Variants in NEGR1 observed in about 807,000 individuals in gnomAD.
NEGR1 encodes the protein IgLON family member 4.
NEGR1 carries 10 observed loss-of-function variants against 40.9 expected under a neutral mutation model. That is an observed-to-expected ratio of 0.24 (90% CI 0.15 to 0.42). The LOEUF is 0.42. NEGR1 is among the 10% of genes least tolerant of loss of function. The probability of loss-of-function intolerance (pLI) is 1.00; values close to 1 mark genes in which losing one functional copy is unlikely to be tolerated. For synonymous variants in NEGR1, 185 were observed against 166.8 expected (o/e 1.11, Z -0.84); for missense variants, 352 against 438.9 (o/e 0.80, Z 1.77).
intron 1 of NEGR1, among the ~76,000 whole-genome samples, chr1:72,112,532 C>A (rs776345892): frequency 1.3e-5 from 2 of 151,542 alleles, no homozygotes; most frequent in South Asian, 4.1e-4. Flanking sequence ...TATTATGATA[C>A]ATTTGTGATT....
At chr1:72,111,373 G>A (rs10789333) in intron 1 of NEGR1, among the ~76,000 whole-genome samples, 9,690 of 151,464 alleles carry the variant, frequency 0.064, 552 homozygotes, top group East Asian at 0.33. Context: ...CTCATTCTGG[G>A]TTTAGAAAAA....
At chr1:71,466,443 ATAGTTT>A (rs1184456468) in intron 6 of NEGR1, among the ~76,000 whole-genome samples, 1 of 152,082 alleles carries the variant, frequency 6.6e-6, no homozygotes, top group African/African-American at 2.4e-5. Flanking sequence ...GTGGGAGCAG[ATAGTTT>A]ATAAACCACG....
chr1:72,026,671 A>T (rs1434106827), intron 1 of NEGR1, among the ~76,000 whole-genome samples: 1 of 152,104 alleles, frequency 6.6e-6, no homozygotes, highest in Admixed American at 6.6e-5. Flanking sequence ...CACCAACTGC[A>T]TAACTACAAA....
intron 6 of NEGR1, among the ~76,000 whole-genome samples, chr1:71,522,939 T>G (rs973269825): frequency 1.4e-4 from 22 of 151,946 alleles, no homozygotes; most frequent in African/African-American, 5.1e-4. Context: ...ATCAGAGGCA[T>G]AAAGTCCTCT....
At chr1:72,000,868 G>C (rs553219788) in intron 1 of NEGR1, among the ~76,000 whole-genome samples, 1 of 152,016 alleles carries the variant, frequency 6.6e-6, no homozygotes, top group Non-Finnish European at 1.5e-5. Flanking sequence ...AGTTCGGGTG[G>C]GTCCTTGGAT....
chr1:72,157,111 T>C (rs1055586636), intron 1 of NEGR1, among the ~76,000 whole-genome samples: 3 of 152,050 alleles, frequency 2.0e-5, no homozygotes, highest in African/African-American at 7.2e-5. Flanking sequence ...TATAGGCATA[T>C]GCCACCTTGT....
intron 6 of NEGR1, among the ~76,000 whole-genome samples, chr1:71,446,384 GA>G (rs1292592794): frequency 6.6e-6 from 1 of 152,162 alleles, no homozygotes; most frequent in Non-Finnish European, 1.5e-5. Flanking sequence ...TAAATGTCAT[GA>G]AATAGTGAAT....
In NEGR1 at chr1:71,563,182, G is replaced by T. The variant is rs574699086; in HGVS notation, c.940+29635C>A. On this transcript the variant is annotated intron_variant, in intron 6 of 6. Coordinates refer to ENST00000357731, the MANE Select transcript of NEGR1 (RefSeq NM_173808.3). The stretch of plus-strand genomic sequence containing the variant: ...CATGAAACATATTGGAATAGAGAGA[G>T]AGAGGACTGACTACCTTTTACTTAA... 2.0e-5 allele frequency among the ~76,000 whole-genome samples: 3 copies of T among 152,128 alleles called. No individual in the cohort carries two copies. In the South Asian group the frequency reaches 6.2e-4, roughly 32 times the overall value.
chr1:72,241,808 A>T (rs1654753989), intron 1 of NEGR1, among the ~76,000 whole-genome samples: 1 of 151,778 alleles, frequency 6.6e-6, no homozygotes, highest in Non-Finnish European at 1.5e-5. Flanking sequence ...AAAAAGTAAC[A>T]ACACAGATGT....
intron 3 of NEGR1, among the ~76,000 whole-genome samples, chr1:71,766,002 C>T (rs1040121809): frequency 4.6e-5 from 7 of 151,932 alleles, no homozygotes; most frequent in Non-Finnish European, 8.8e-5. Context: ...GGTGAAACCC[C>T]GTCTCCACTA....
At chr1:72,036,510 G>T (rs989343576) in intron 1 of NEGR1, among the ~76,000 whole-genome samples, 3 of 151,836 alleles carry the variant, frequency 2.0e-5, no homozygotes, top group Non-Finnish European at 4.4e-5. Context: ...ACAAAAATTA[G>T]CTGGGCATGG....
At chr1:71,660,439 C>G (rs1229615316) in intron 4 of NEGR1, among the ~76,000 whole-genome samples, 1 of 151,706 alleles carries the variant, frequency 6.6e-6, no homozygotes, top group Non-Finnish European at 1.5e-5. Context: ...ACGTGTTTAC[C>G]TATATAACAA....
intron 2 of NEGR1, among the ~76,000 whole-genome samples, chr1:71,923,940 G>A (rs182461939): frequency 7.3e-5 from 11 of 150,136 alleles, no homozygotes; most frequent in Non-Finnish European, 1.5e-4. Context: ...GCAGGGTCTC[G>A]TTCTGTCACC....
intron 3 of NEGR1, among the ~76,000 whole-genome samples, chr1:71,702,932 G>C (rs1653749786): frequency 6.6e-6 from 1 of 152,122 alleles, no homozygotes; most frequent in African/African-American, 2.4e-5. Context: ...TTGGAATTCA[G>C]GTAGACCAAG....
intron 1 of NEGR1, among the ~76,000 whole-genome samples, chr1:72,217,444 A>G (rs934122317): frequency 6.6e-6 from 1 of 151,832 alleles, no homozygotes; most frequent in African/African-American, 2.4e-5. Context: ...CAATTTAATA[A>G]TAAGTAAGGA....
intron 4 of NEGR1, among the ~76,000 whole-genome samples, chr1:71,681,832 A>T (rs1254873574): frequency 6.6e-6 from 1 of 151,866 alleles, no homozygotes; most frequent in African/African-American, 2.4e-5. Context: ...CTAGCATTCC[A>T]TTTAATTTTT....
Position 72,136,895 on chromosome 1 carries a change from C to A in NEGR1, c.176+145424G>T, listed in dbSNP as rs547272742. Reference sequence around the variant, plus strand: ...GAATCTACAAAGAACTGAAACAATACAAGAAAAAAAACAAACAACCCCATC... The same window carrying A: ...GAATCTACAAAGAACTGAAACAATAAAAGAAAAAAAACAAACAACCCCATC... On this transcript the variant is annotated intron_variant, in intron 1 of 6. Coordinates refer to ENST00000357731, the MANE Select transcript of NEGR1 (RefSeq NM_173808.3). Among the ~76,000 whole-genome samples, 11 of 151,796 alleles carry A rather than the reference C, an allele frequency of 7.2e-5. No individual in the cohort carries two copies. The East Asian group carries it at 9.7e-4, about 13-fold the overall frequency.
chr1:71,820,763 A>G (rs981630858), intron 2 of NEGR1, among the ~76,000 whole-genome samples: 2 of 151,976 alleles, frequency 1.3e-5, no homozygotes, highest in African/African-American at 4.8e-5. Context: ...CCATCCTTCA[A>G]CAAAGATAGC....
intron 1 of NEGR1, among the ~76,000 whole-genome samples, chr1:72,014,864 T>C (rs1646695005): frequency 6.7e-6 from 1 of 149,642 alleles, no homozygotes; most frequent in Admixed American, 7.0e-5. Context: ...TTATCAAATC[T>C]TAGTTGAGGA....
Sources: allele counts gnomAD v4.1 joint callset (sites outside exome capture counted in the v4.1 genomes callset), GRCh38; gene constraint gnomAD v4.1.1; transcripts MANE v1.5; gene names NCBI Gene and HGNC (gene_info 2026-07-23, HGNC 2026-07-21).